Variants in CCL28 observed in about 807,000 individuals in gnomAD.
The protein encoded by CCL28 is C-C motif chemokine ligand 28, also known as C-C motif chemokine 28.
Under a neutral mutation model 7.1 loss-of-function variants are expected in CCL28, and 4 were observed. The observed-to-expected ratio is 0.56, with a 90% CI of 0.28 to 1.29. CCL28 has a LOEUF of 1.29. CCL28 is among the 50% of genes most tolerant of loss of function. The pLI is 0.11. For missense variants in CCL28, 151 were observed against 163.4 expected (o/e 0.92, Z 0.41); for synonymous variants, 55 against 57.8 (o/e 0.95, Z 0.22).
chr5:43,379,098 G>A (rs977463914), downstream of CCL28: 4 of 152,146 alleles, frequency 2.6e-5, no homozygotes, highest in East Asian at 1.9e-4. Context: ...ATTCATAGCT[G>A]CCCAACAATT....
At chr5:43,373,103 A>G (rs995452773), downstream of CCL28, among the ~76,000 whole-genome samples, 1 of 152,054 alleles carries the variant, frequency 6.6e-6, no homozygotes, top group African/African-American at 2.4e-5. Context: ...GCCCAGCCTG[A>G]ACATTCTTAT....
intron 1 of CCL28, among the ~76,000 whole-genome samples, chr5:43,408,196 T>C (rs928394210): frequency 7.9e-5 from 12 of 152,252 alleles, no homozygotes; most frequent in African/African-American, 2.9e-4. Context: ...ACATGTATGT[T>C]TATTGCAGCA....
chr5:43,358,233 A>G, the CCL28 span, among the ~76,000 whole-genome samples: 1 of 152,198 alleles, frequency 6.6e-6, no homozygotes, highest in Admixed American at 6.5e-5. Flanking sequence ...AAATATCTTA[A>G]TTGGCTTTTG....
At chr5:43,408,893 C>CTTT (rs35098260) in intron 1 of CCL28, among the ~76,000 whole-genome samples, 3 of 141,890 alleles carry the variant, frequency 2.1e-5, no homozygotes, top group Non-Finnish European at 1.5e-5. Context: ...TAATTTTTTA[C>CTTT]TTTTTTTTTT....
At chr5:43,404,231 G>A (rs1741169116) in intron 1 of CCL28, among the ~76,000 whole-genome samples, 1 of 152,120 alleles carries the variant, frequency 6.6e-6, no homozygotes, top group Non-Finnish European at 1.5e-5. Flanking sequence ...TTGAAATGAA[G>A]GAAAAAATGT....
At chr5:43,369,388 C>T in the CCL28 span, among the ~76,000 whole-genome samples, 1 of 151,956 alleles carries the variant, frequency 6.6e-6, no homozygotes, top group East Asian at 1.9e-4. Context: ...TTGATGTTTC[C>T]TGATATGTAT....
At chr5:43,387,565 G>A (rs1372913888) in intron 2 of CCL28, among the ~76,000 whole-genome samples, 1 of 152,200 alleles carries the variant, frequency 6.6e-6, no homozygotes, top group African/African-American at 2.4e-5. Flanking sequence ...ACTGTGACAG[G>A]TATAGATATT....
intron 1 of CCL28, among the ~76,000 whole-genome samples, chr5:43,408,073 A>T (rs1030964973): frequency 5.9e-5 from 9 of 152,230 alleles, no homozygotes; most frequent in African/African-American, 2.2e-4. Flanking sequence ...ATTGTGGAAG[A>T]CAGTGTGGTG....
At chr5:43,377,716 A>ATTTTTTTTTTT (rs1561151287), downstream of CCL28, among the ~76,000 whole-genome samples, 3 of 45,660 alleles carry the variant, frequency 6.6e-5, no homozygotes, top group Non-Finnish European at 1.3e-4. Context: ...TAGAACTTAA[A>ATTTTTTTTTTT]CTTTTTTTTT....
chr5:43,369,397 A>T, the CCL28 span, among the ~76,000 whole-genome samples: 2 of 151,966 alleles, frequency 1.3e-5, no homozygotes, highest in Admixed American at 6.5e-5. Flanking sequence ...CCTGATATGT[A>T]TGTTATTTTA....
chr5:43,393,697 TG>T (rs1368131105), intron 1 of CCL28, among the ~76,000 whole-genome samples: 1 of 152,204 alleles, frequency 6.6e-6, no homozygotes, highest in Admixed American at 6.5e-5. Flanking sequence ...AAAGACATAG[TG>T]TATCTTAATC....
Position 43,388,333 on chromosome 5 carries a change from G to T in CCL28, c.191+17C>A. On this transcript the variant is annotated intron_variant, in intron 2 of 2. Transcript: ENST00000361115. ...ATCACTGTGCAGGTTTAGACCTCCC[G>T]GCTGATGAGCACTCACATGACAGCA... The T allele has an allele frequency of 6.2e-7, 1 of 1,613,752 alleles. No individual in the cohort carries two copies. The highest frequency in any genetic ancestry group is 8.5e-7 in the Non-Finnish European group (1 of 1,179,882).
intron 1 of CCL28, among the ~76,000 whole-genome samples, chr5:43,407,940 A>G (rs1365954406): frequency 6.6e-6 from 1 of 152,244 alleles, no homozygotes; most frequent in Non-Finnish European, 1.5e-5. Context: ...CCACAATGAG[A>G]TACCATCTCA....
the CCL28 span, among the ~76,000 whole-genome samples, chr5:43,361,162 TA>T: frequency 6.6e-6 from 1 of 152,236 alleles, no homozygotes; most frequent in African/African-American, 2.4e-5. Flanking sequence ...CATTCCTTTT[TA>T]TGGCTGCATA....
intron 2 of CCL28, among the ~76,000 whole-genome samples, chr5:43,387,434 T>C (rs1392630757): frequency 6.6e-6 from 1 of 152,180 alleles, no homozygotes; most frequent in African/African-American, 2.4e-5. Flanking sequence ...GTTAAGTACA[T>C]ATACAAACAA....
intron 1 of CCL28, among the ~76,000 whole-genome samples, chr5:43,393,633 G>T (rs1740672932): frequency 6.6e-6 from 1 of 152,200 alleles, no homozygotes; most frequent in South Asian, 2.1e-4. Context: ...GGGATTACAG[G>T]CGTGAGCCAC....
chr5:43,364,606 TA>T, the CCL28 span, among the ~76,000 whole-genome samples: 6,262 of 151,942 alleles, frequency 0.041, 344 homozygotes, highest in African/African-American at 0.13. Context: ...ATTTCAGTTC[TA>T]AAAAAAATGT....
intron 1 of CCL28, among the ~76,000 whole-genome samples, chr5:43,407,918 T>C (rs1294784450): frequency 1.3e-5 from 2 of 152,054 alleles, no homozygotes; most frequent in African/African-American, 4.8e-5. Context: ...ATCAGAGAAA[T>C]GCAAATCAAA....
At chr5:43,387,369 A>C (rs1262763603) in intron 2 of CCL28, among the ~76,000 whole-genome samples, 1 of 152,192 alleles carries the variant, frequency 6.6e-6, no homozygotes, top group Non-Finnish European at 1.5e-5. Flanking sequence ...TTGTTGTCAG[A>C]ATCCAGATTT....
Sources: gnomAD v4.1 joint callset for allele counts (sites outside exome capture counted in the v4.1 genomes callset) on GRCh38, gnomAD v4.1.1 for gene constraint, MANE v1.5 for transcripts, NCBI Gene and HGNC (gene_info 2026-07-23, HGNC 2026-07-21) for gene names.